The following C2orf69 variants were observed in gnomAD, a reference collection of about 807,000 sequenced individuals.
C2orf69 encodes the protein mitochondrial protein C2orf69.
C2orf69 carries 19 observed loss-of-function variants against 29.5 expected under a neutral mutation model. That is an observed-to-expected ratio of 0.65 (90% confidence interval 0.45 to 0.95). The LOEUF is 0.95. Ranked by LOEUF, C2orf69 falls within the 40% of genes least tolerant of loss-of-function variation. The pLI is 0.00. For synonymous variants in C2orf69, 194 were observed against 180.0 expected (o/e 1.08, Z -0.62); for missense variants, 416 against 482.1 (o/e 0.86, Z 1.28).
At chr2:199,912,733 C>T (rs564903316) in intron 1 of C2orf69, among the ~76,000 whole-genome samples, 3 of 152,190 alleles carry the variant, frequency 2.0e-5, no homozygotes, top group South Asian at 2.1e-4. Context: ...CTCCGCCTCC[C>T]GGGCTCAAGT....
chr2:199,912,484 C>T (rs1410056360), intron 1 of C2orf69, among the ~76,000 whole-genome samples: 1 of 152,036 alleles, frequency 6.6e-6, no homozygotes, highest in African/African-American at 2.4e-5. Flanking sequence ...ACTAAAAATC[C>T]AGTTATTCAT....
chr2:199,920,492 T>C (rs953112564), intron 1 of C2orf69, among the ~76,000 whole-genome samples: 8 of 152,280 alleles, frequency 5.3e-5, no homozygotes, highest in African/African-American at 1.9e-4. Context: ...TTTTGGCTCA[T>C]TAACTAAATA....
intron 1 of C2orf69, among the ~76,000 whole-genome samples, chr2:199,919,364 T>A (rs1252335234): frequency 6.6e-6 from 1 of 152,238 alleles, no homozygotes; most frequent in Non-Finnish European, 1.5e-5. Context: ...TTTAACTCTT[T>A]AAAAGTTTTG....
At chr2:199,912,448 A>G (rs1426362810) in intron 1 of C2orf69, among the ~76,000 whole-genome samples, 2 of 152,214 alleles carry the variant, frequency 1.3e-5, no homozygotes, top group Non-Finnish European at 2.9e-5. Context: ...ATATATGGCT[A>G]TCTGAATTAA....
chr2:199,920,599 G>A (rs930524188), intron 1 of C2orf69, among the ~76,000 whole-genome samples: 2 of 152,072 alleles, frequency 1.3e-5, no homozygotes, highest in African/African-American at 4.8e-5. Context: ...ATGATTTCAT[G>A]ATAATTGGAT....
At chr2:199,920,271 T>C (rs1202009641) in intron 1 of C2orf69, among the ~76,000 whole-genome samples, 1 of 152,188 alleles carries the variant, frequency 6.6e-6, no homozygotes, top group Admixed American at 6.5e-5. Context: ...TTTTAGAATA[T>C]GAAAGTGTGT....
intron 1 of C2orf69, among the ~76,000 whole-genome samples, chr2:199,914,703 G>T (rs2077286605): frequency 6.6e-6 from 1 of 151,880 alleles, no homozygotes; most frequent in Non-Finnish European, 1.5e-5. Flanking sequence ...AGCCTCTCTG[G>T]CTTTCTTGGT....
At chr2:199,917,083 A>C (rs184100431) in intron 1 of C2orf69, among the ~76,000 whole-genome samples, 1 of 152,176 alleles carries the variant, frequency 6.6e-6, no homozygotes, top group African/African-American at 2.4e-5. Flanking sequence ...GCCCAACATC[A>C]CATGTAAGCT....
Position 199,911,298 on chromosome 2 carries a change from A to T in C2orf69, c.-141A>T. On this transcript the variant is annotated 5_prime_UTR_variant, in exon 1 of 2. Transcript: ENST00000319974. ...CGCTGCGCGCGGACGTCGGCCTCTGACGTCGTCGCCTCAGCGCCGGCTCCC... is the reference window on the plus strand; with the variant it reads ...CGCTGCGCGCGGACGTCGGCCTCTGTCGTCGTCGCCTCAGCGCCGGCTCCC... The T allele has an allele frequency of 1.4e-5, 14 of 1,003,228 alleles. No individual in the cohort carries two copies. Among genetic ancestry groups the T allele is most frequent in the Non-Finnish European group, 1.6e-5 (12 of 743,150 alleles). 62.1% of individuals were successfully genotyped at this position (1,003,228 alleles called of 1,614,324 possible). A position where few individuals can be genotyped will look rare whatever the true frequency, so the allele number is the denominator to read the frequency against.
At chr2:199,913,494 TTA>T (rs1156560333) in intron 1 of C2orf69, among the ~76,000 whole-genome samples, 2 of 88,182 alleles carry the variant, frequency 2.3e-5, no homozygotes, top group Non-Finnish European at 4.1e-5. Flanking sequence ...ATATATTATA[TTA>T]TATAAAATAT....
intron 1 of C2orf69, among the ~76,000 whole-genome samples, chr2:199,917,797 G>A (rs1425426861): frequency 1.3e-5 from 2 of 152,084 alleles, no homozygotes; most frequent in Admixed American, 1.3e-4. Context: ...TATCCTTATA[G>A]CAGCACCCCA....
At chr2:199,915,400 C>G (rs1306273641) in intron 1 of C2orf69, among the ~76,000 whole-genome samples, 2 of 152,182 alleles carry the variant, frequency 1.3e-5, no homozygotes, top group Non-Finnish European at 2.9e-5. Context: ...TGAGCCACCA[C>G]ACCTCGCTGA....
Position 199,911,587 on chromosome 2 carries a change from G to A in C2orf69, c.149G>A (p.Arg50His). ...GARCSLSAEVRRRQCLQLSTV... is the reference protein window; with the variant it reads ...GARCSLSAEVHRRQCLQLSTV... ...CGATGCTCCCTCTCGGCCGAGGTGC[G>A]CCGCCGTCAGTGCCTGCAGCTTTCC... The change falls in exon 1 of 2, where the codon CGC (arginine) becomes CAC (histidine). Residue 50 changes from arginine (R) to histidine (H), a missense_variant. By Grantham distance (29) the Arg-to-His change is conservative. Coordinates refer to ENST00000319974, the MANE Select transcript of C2orf69 (RefSeq NM_153689.6). The A allele has an allele frequency of 6.5e-7, 1 of 1,549,550 alleles. No individual in the cohort carries two copies.
chr2:199,917,005 T>C (rs2077295044), intron 1 of C2orf69, among the ~76,000 whole-genome samples: 1 of 152,226 alleles, frequency 6.6e-6, no homozygotes, highest in Admixed American at 6.5e-5. Context: ...TCCAGGTGTT[T>C]TCATACATCC....
intron 1 of C2orf69, 67 bp from the exon 2 acceptor site, chr2:199,924,995 T>A (rs1320102338): frequency 2.0e-6 from 2 of 998,888 alleles, no homozygotes; most frequent in Non-Finnish European, 3.0e-6. Flanking sequence ...AAATGGAAAC[T>A]TATTTTGTGG....
intron 1 of C2orf69, among the ~76,000 whole-genome samples, chr2:199,915,548 C>T (rs902068528): frequency 2.6e-5 from 4 of 151,534 alleles, no homozygotes; most frequent in Non-Finnish European, 5.9e-5. Context: ...GCTCTGTTGC[C>T]CAGGCTGGAG....
Position 199,911,352 on chromosome 2 carries a change from C to G in C2orf69, c.-87C>G, listed in dbSNP as rs1163188841. On this transcript the variant is annotated 5_prime_UTR_variant, in exon 1 of 2. Coordinates refer to ENST00000319974, the MANE Select transcript of C2orf69 (RefSeq NM_153689.6). ...CGGGCCGCGGCCGCCGACCGTTGAG[C>G]CGCCGGCTGAGCCGCCTGCTGAAGT... The G allele has an allele frequency of 5.9e-6, 8 of 1,366,096 alleles. No individual in the cohort carries two copies. The highest frequency in any genetic ancestry group is 7.5e-5 in the Admixed American group (2 of 26,736). The allele number at this position is 1,366,096 out of a possible 1,614,324, so 84.6% of individuals were successfully genotyped here.
At chr2:199,921,000 A>AGT (rs1471402294) in intron 1 of C2orf69, among the ~76,000 whole-genome samples, 1 of 85,604 alleles carries the variant, frequency 1.2e-5, no homozygotes, top group African/African-American at 4.7e-5. Context: ...TCTAGGAATT[A>AGT]GTTTTTTTTT....
In C2orf69 at chr2:199,911,569, C is replaced by T. The variant is rs753818494; in HGVS notation, c.131C>T (p.Ser44Phe). 1.9e-6 allele frequency: 3 copies of T among 1,549,734 alleles called. No individual in the cohort carries two copies. The highest frequency in any genetic ancestry group is 1.2e-5 in the South Asian group (1 of 84,008). ...GGCGGCAGCGGCGGCGCGCGATGCT[C>T]CCTCTCGGCCGAGGTGCGCCGCCGT... ...NPGGSGGARCSLSAEVRRRQC... is the reference protein window; with the variant it reads ...NPGGSGGARCFLSAEVRRRQC... The change falls in exon 1 of 2, where the codon TCC becomes TTC. Residue 44 changes from serine (S) to phenylalanine (F), a missense_variant. Around this residue, in one of 4 missense-constraint regions of C2orf69, gnomAD observed 175 missense variants for 139.9 expected, o/e 1.25. Transcript: ENST00000319974.
Sources: allele counts gnomAD v4.1 joint callset (sites outside exome capture counted in the v4.1 genomes callset), GRCh38; gene constraint gnomAD v4.1.1; regional missense constraint gnomAD v4.1.1; transcripts MANE v1.5; gene names NCBI Gene and HGNC (gene_info 2026-07-23, HGNC 2026-07-21).